The following GNAQ variants were observed in gnomAD, a reference collection of about 807,000 sequenced individuals.
GNAQ encodes the protein guanine nucleotide-binding protein G(q) subunit alpha.
A neutral mutation model predicts 43.9 loss-of-function variants in GNAQ; 8 were observed. The ratio of observed to expected loss-of-function variants is 0.18; its 90% CI spans 0.11 to 0.33. GNAQ has a LOEUF of 0.33. Among genes scored for constraint, GNAQ ranks in the 10% least tolerant of loss-of-function variants. The pLI, the probability that GNAQ is intolerant of heterozygous loss-of-function variation, is 1.00. For synonymous variants in GNAQ, 155 were observed against 170.7 expected (o/e 0.91, Z 0.71); for missense variants, 158 against 450.8 (o/e 0.35, Z 5.88).
intron 3 of GNAQ, 121 bp downstream of exon 3, chr9:77,815,495 C>T (rs967218081): frequency 1.7e-6 from 1 of 601,410 alleles, no homozygotes. Flanking sequence ...TATTCCCTAA[C>T]TTTTAAAGTT....
intron 1 of GNAQ, among the ~76,000 whole-genome samples, chr9:77,959,937 T>C (rs1028973924): frequency 6.6e-6 from 1 of 152,164 alleles, no homozygotes; most frequent in Non-Finnish European, 1.5e-5. Flanking sequence ...AAACCTAAAT[T>C]GTGGAAGCTA....
intron 1 of GNAQ, among the ~76,000 whole-genome samples, chr9:78,029,767 A>G (rs1269415235): frequency 1.3e-5 from 2 of 152,232 alleles, no homozygotes; most frequent in African/African-American, 4.8e-5. Flanking sequence ...TCAAGATAAG[A>G]AAGAAAATGC....
intron 1 of GNAQ, among the ~76,000 whole-genome samples, chr9:78,017,892 C>T (rs1264781210): frequency 2.6e-5 from 4 of 152,032 alleles, no homozygotes; most frequent in Admixed American, 1.3e-4. Flanking sequence ...CACTAATGAT[C>T]AATGCAAAGT....
At chr9:77,999,642 G>T (rs116114073) in intron 1 of GNAQ, among the ~76,000 whole-genome samples, 129 of 152,340 alleles carry the variant, frequency 8.5e-4, no homozygotes, top group African/African-American at 2.8e-3. Flanking sequence ...CCTCTGGGAA[G>T]CTACTTATTT....
chr9:77,917,874 A>G (rs892970699), intron 2 of GNAQ, among the ~76,000 whole-genome samples: 1 of 152,214 alleles, frequency 6.6e-6, no homozygotes, highest in Non-Finnish European at 1.5e-5. Flanking sequence ...ACAGGACAAC[A>G]GATACACACT....
chr9:77,716,169 GA>G lies in GNAQ; in HGVS notation c.*5153del, dbSNP rs1825225297. The G allele has an allele frequency of 5.0e-6, 1 of 200,588 alleles. No individual in the cohort carries two copies. Among genetic ancestry groups the G allele is most frequent in the African/African-American group, 2.3e-5 (1 of 43,396 alleles). 12.4% of individuals were successfully genotyped at this position (200,588 alleles called of 1,614,324 possible). A position where few individuals can be genotyped will look rare whatever the true frequency, so the allele number is the denominator to read the frequency against. On this transcript the variant is annotated 3_prime_UTR_variant, in exon 7 of 7. Transcript: ENST00000286548. ...ATATGCACAAGGTGTGTTAAGGAAG[GA>G]AAGATGTATTTCAGTACTCCTACTA...
intron 5 of GNAQ, among the ~76,000 whole-genome samples, chr9:77,745,520 C>T (rs991708343): frequency 2.7e-5 from 4 of 150,872 alleles, no homozygotes; most frequent in African/African-American, 9.7e-5. Flanking sequence ...GATACTGATA[C>T]TGACTTAAGA....
intron 5 of GNAQ, among the ~76,000 whole-genome samples, chr9:77,761,295 G>T (rs1345282137): frequency 1.5e-5 from 2 of 130,808 alleles, no homozygotes; most frequent in African/African-American, 5.7e-5. Context: ...CCCCCCGCCT[G>T]GCCAGCCGCC....
intron 2 of GNAQ, among the ~76,000 whole-genome samples, chr9:77,875,473 C>T (rs1285663974): frequency 1.3e-5 from 2 of 152,244 alleles, no homozygotes; most frequent in Non-Finnish European, 2.9e-5. Context: ...TCACCACAGG[C>T]AGGTCCATCT....
intron 2 of GNAQ, among the ~76,000 whole-genome samples, chr9:77,873,620 C>A (rs1213947482): frequency 6.6e-6 from 1 of 152,106 alleles, no homozygotes; most frequent in African/African-American, 2.4e-5. Flanking sequence ...CAGTGCGTAG[C>A]CAGGGAAGAA....
At chr9:77,750,313 T>C (rs1380658365) in intron 5 of GNAQ, among the ~76,000 whole-genome samples, 1 of 152,266 alleles carries the variant, frequency 6.6e-6, no homozygotes, top group Middle Eastern at 3.4e-3. Context: ...AAATGTAAAA[T>C]ATGAAAACCA....
intron 2 of GNAQ, among the ~76,000 whole-genome samples, chr9:77,919,660 A>G: frequency 6.6e-6 from 1 of 152,190 alleles, no homozygotes; most frequent in East Asian, 1.9e-4. Context: ...CAAACGTGAA[A>G]GTCATTTGTA....
intron 5 of GNAQ, among the ~76,000 whole-genome samples, chr9:77,756,808 G>T (rs1021450986): frequency 1.3e-5 from 2 of 152,158 alleles, no homozygotes; most frequent in African/African-American, 4.8e-5. Flanking sequence ...TGAACTTCAG[G>T]TTTCCTTATC....
intron 1 of GNAQ, among the ~76,000 whole-genome samples, chr9:78,011,135 T>G (rs1258598576): frequency 6.6e-6 from 1 of 152,076 alleles, no homozygotes; most frequent in Non-Finnish European, 1.5e-5. Context: ...GCTGGCTCAC[T>G]CAAAAGAGAA....
chr9:77,864,895 T>C (rs530732532), intron 2 of GNAQ, among the ~76,000 whole-genome samples: 5 of 152,190 alleles, frequency 3.3e-5, no homozygotes, highest in Non-Finnish European at 7.3e-5. Flanking sequence ...TCCATACCCA[T>C]GCCTTTGGAG....
chr9:77,890,510 G>A (rs1437958469), intron 2 of GNAQ, among the ~76,000 whole-genome samples: 2 of 152,106 alleles, frequency 1.3e-5, no homozygotes, highest in Non-Finnish European at 2.9e-5. Flanking sequence ...GATCACCTGT[G>A]GTTGGAAGTT....
intron 2 of GNAQ, among the ~76,000 whole-genome samples, chr9:77,849,125 CAT>C (rs975436327): frequency 3.3e-5 from 5 of 152,070 alleles, no homozygotes; most frequent in East Asian, 1.9e-4. Flanking sequence ...AATGAGAACA[CAT>C]GAGTCACAGG....
At chr9:77,964,235 G>C (rs1312714575) in intron 1 of GNAQ, among the ~76,000 whole-genome samples, 2 of 152,100 alleles carry the variant, frequency 1.3e-5, no homozygotes, top group Non-Finnish European at 2.9e-5. Flanking sequence ...AATCCTAAAT[G>C]TTTATGTATC....
intron 3 of GNAQ, among the ~76,000 whole-genome samples, chr9:77,802,098 T>C (rs1285825440): frequency 6.6e-6 from 1 of 151,950 alleles, no homozygotes; most frequent in African/African-American, 2.4e-5. Flanking sequence ...ACCTGGCAGG[T>C]AGAGGTTGCA....
Sources: gnomAD v4.1 joint callset for allele counts (sites outside exome capture counted in the v4.1 genomes callset) on GRCh38, gnomAD v4.1.1 for gene constraint, MANE v1.5 for transcripts, NCBI Gene and HGNC (gene_info 2026-07-23, HGNC 2026-07-21) for gene names.